The following GRIK2 variants were observed in gnomAD, a reference collection of about 807,000 sequenced individuals.
GRIK2 encodes glutamate ionotropic receptor kainate type subunit 2, also known as glutamate receptor ionotropic, kainate 2.
GRIK2 carries 32 observed loss-of-function variants against 100.3 expected under a neutral mutation model. The observed-to-expected ratio is 0.32, with a 90% confidence interval of 0.24 to 0.43. GRIK2 has a LOEUF of 0.43. Ranked by LOEUF, GRIK2 falls within the 20% of genes least tolerant of loss-of-function variation. The pLI is 1.00. For missense variants in GRIK2, 843 were observed against 1,114.9 expected, an observed-to-expected ratio of 0.76 and a Z score of 3.47; for synonymous variants, 417 against 389.4, an observed-to-expected ratio of 1.07 and a Z score of -0.83.
At chr6:101,666,348 C>G (rs1770028150) in intron 4 of GRIK2, among the ~76,000 whole-genome samples, 4 of 152,174 alleles carry the variant, frequency 2.6e-5, no homozygotes. Context: ...GTATTGCCAA[C>G]TAGGCAAGCT....
intron 12 of GRIK2, among the ~76,000 whole-genome samples, chr6:101,892,095 G>C (rs1787141728): frequency 6.6e-6 from 1 of 151,912 alleles, no homozygotes; most frequent in Non-Finnish European, 1.5e-5. Flanking sequence ...TTTCCCAGGA[G>C]GATAGAAATA....
intron 15 of GRIK2, among the ~76,000 whole-genome samples, chr6:102,053,698 G>A (rs112616839): frequency 5.9e-5 from 9 of 152,242 alleles, no homozygotes; most frequent in African/African-American, 1.7e-4. Flanking sequence ...TTCTATATCT[G>A]TTAGATGGAT....
At chr6:102,062,998 G>A (rs1188899032) in intron 16 of GRIK2, among the ~76,000 whole-genome samples, 1 of 150,414 alleles carries the variant, frequency 6.6e-6, no homozygotes, top group Non-Finnish European at 1.5e-5. Flanking sequence ...TACTATTCTT[G>A]GGCAAATGGC....
At chr6:101,759,724 C>T (rs1777364609) in intron 7 of GRIK2, among the ~76,000 whole-genome samples, 1 of 151,692 alleles carries the variant, frequency 6.6e-6, no homozygotes, top group Non-Finnish European at 1.5e-5. Context: ...TTATTACAGT[C>T]ACAATTGTGT....
At chr6:101,727,117 C>A (rs1774925798) in intron 7 of GRIK2, among the ~76,000 whole-genome samples, 1 of 151,830 alleles carries the variant, frequency 6.6e-6, no homozygotes, top group Non-Finnish European at 1.5e-5. Context: ...TGAATTCATT[C>A]TCATATATAT....
intron 2 of GRIK2, among the ~76,000 whole-genome samples, chr6:101,498,389 G>C (rs1322690635): frequency 6.6e-6 from 1 of 152,038 alleles, no homozygotes; most frequent in African/African-American, 2.4e-5. Flanking sequence ...TCCCAGTAAT[G>C]AGATGGCTGG....
chr6:101,897,787 G>T (rs1464113762), intron 12 of GRIK2, among the ~76,000 whole-genome samples: 1 of 151,750 alleles, frequency 6.6e-6, no homozygotes, highest in African/African-American at 2.4e-5. Flanking sequence ...TAGGAGTACT[G>T]TGCTCATAAA....
chr6:102,043,200 TAA>T (rs773001300), intron 15 of GRIK2, among the ~76,000 whole-genome samples: 5 of 151,856 alleles, frequency 3.3e-5, no homozygotes, highest in Non-Finnish European at 5.9e-5. Flanking sequence ...ATTTATGACG[TAA>T]AAGTGACATT....
chr6:101,559,545 G>A (rs1481382982), intron 2 of GRIK2, among the ~76,000 whole-genome samples: 3 of 152,048 alleles, frequency 2.0e-5, no homozygotes, highest in Non-Finnish European at 4.4e-5. Context: ...TTATTTAACT[G>A]TAAGTATCTA....
intron 7 of GRIK2, among the ~76,000 whole-genome samples, chr6:101,704,068 T>C (rs988038463): frequency 1.3e-5 from 2 of 151,712 alleles, no homozygotes; most frequent in African/African-American, 4.8e-5. Context: ...TGGGGAAATA[T>C]GGAACATTTT....
intron 2 of GRIK2, among the ~76,000 whole-genome samples, chr6:101,615,267 C>T (rs1169180185): frequency 6.6e-6 from 1 of 151,592 alleles, no homozygotes; most frequent in Non-Finnish European, 1.5e-5. Context: ...ATATGATGGC[C>T]CTTCCTGAAT....
chr6:101,462,927 A>C (rs570694490), intron 2 of GRIK2, among the ~76,000 whole-genome samples: 1 of 152,300 alleles, frequency 6.6e-6, no homozygotes, highest in East Asian at 1.9e-4. Context: ...GGAACATCTG[A>C]GTTATGCTGA....
chr6:101,883,017 TA>T (rs137898708), intron 11 of GRIK2, among the ~76,000 whole-genome samples: 3,861 of 152,044 alleles, frequency 0.025, 174 homozygotes, highest in African/African-American at 0.087. Context: ...TTTTTAAAAT[TA>T]TTTTTTATCC....
chr6:101,991,400 T>TC (rs1794369841), intron 14 of GRIK2, among the ~76,000 whole-genome samples: 1 of 150,778 alleles, frequency 6.6e-6, no homozygotes, highest in African/African-American at 2.4e-5. Context: ...TGTTTTTTTT[T>TC]TTACAATTTG....
chr6:101,633,820 A>G (rs1400127954), intron 4 of GRIK2, among the ~76,000 whole-genome samples: 7 of 152,102 alleles, frequency 4.6e-5, no homozygotes, highest in Non-Finnish European at 2.9e-5. Flanking sequence ...TTGTAATCCC[A>G]CTATTTTAAT....
intron 2 of GRIK2, among the ~76,000 whole-genome samples, chr6:101,610,126 C>T (rs1779606557): frequency 6.6e-6 from 1 of 151,330 alleles, no homozygotes; most frequent in South Asian, 2.1e-4. Flanking sequence ...CAAAAATATA[C>T]ATTTATATAT....
At chr6:101,614,206 A>G (rs1403891951) in intron 2 of GRIK2, among the ~76,000 whole-genome samples, 1 of 151,766 alleles carries the variant, frequency 6.6e-6, no homozygotes, top group Non-Finnish European at 1.5e-5. Flanking sequence ...GGTTAATTTA[A>G]TGGTCATTTT....
At chr6:101,804,255 G>A (rs950011565) in intron 9 of GRIK2, among the ~76,000 whole-genome samples, 2 of 151,796 alleles carry the variant, frequency 1.3e-5, no homozygotes, top group Non-Finnish European at 2.9e-5. Context: ...CAAACATAGC[G>A]TTTGATTTTA....
chr6:101,845,411 C>T (rs1245909089), intron 10 of GRIK2, among the ~76,000 whole-genome samples: 1 of 152,186 alleles, frequency 6.6e-6, no homozygotes, highest in East Asian at 1.9e-4. Context: ...GAATCATGTA[C>T]TGTGTGGCTT....
Sources: allele counts gnomAD v4.1 joint callset (sites outside exome capture counted in the v4.1 genomes callset), GRCh38; gene constraint gnomAD v4.1.1; transcripts MANE v1.5; gene names NCBI Gene and HGNC (gene_info 2026-07-23, HGNC 2026-07-21).